Variants in BICD1 observed in about 807,000 individuals in gnomAD.
BICD1 encodes the protein protein bicaudal D homolog 1.
A neutral mutation model predicts 92.5 loss-of-function variants in BICD1; 35 were observed. That is an observed-to-expected ratio of 0.38 (90% CI 0.29 to 0.50). BICD1 has a LOEUF of 0.50. BICD1 is among the 20% of genes least tolerant of loss of function. The probability of loss-of-function intolerance (pLI) is 0.93; values close to 1 mark genes in which losing one functional copy is unlikely to be tolerated. For missense variants in BICD1, 950 were observed against 1,189.8 expected, an observed-to-expected ratio of 0.80 and a Z score of 2.97; for synonymous variants, 429 against 465.1, an observed-to-expected ratio of 0.92 and a Z score of 1.00.
Position 32,190,002 on chromosome 12 carries a change from G to A in BICD1, c.214-26245G>A, listed in dbSNP as rs376188304. Among the ~76,000 whole-genome samples the A allele has an allele frequency of 3.2e-4, 48 of 152,194 alleles. No individual in the cohort carries two copies. In the East Asian group the frequency reaches 8.7e-3, roughly 28 times the overall value. ...GCGTGAGCCACCGCACCTGGCAAGT[G>A]TAGAATTTTTGTATGCAATTGAAGT... On this transcript the variant is annotated intron_variant, in intron 1 of 9. Transcript: ENST00000652176.
chr12:32,126,316 T>C (rs1942336120), intron 1 of BICD1, among the ~76,000 whole-genome samples: 1 of 152,112 alleles, frequency 6.6e-6, no homozygotes, highest in Non-Finnish European at 1.5e-5. Context: ...GTTTGCAGAC[T>C]GTTCACACCG....
In BICD1 at chr12:32,107,504, A is replaced by G. The variant is rs1327785580; in HGVS notation, c.173A>G (p.Glu58Gly). Reference sequence around the variant, plus strand: ...CAGCAGTATGATGAACTGGAGGCTGAGTACGACAGCCTCAAACAGGAGCTG... The same window carrying G: ...CAGCAGTATGATGAACTGGAGGCTGGGTACGACAGCCTCAAACAGGAGCTG... ...LKQQYDELEA[E>G]YDSLKQELEQ... The change falls in exon 1 of 10, where the codon GAG becomes GGG. Residue 58 changes from glutamate (E) to glycine (G), a missense_variant. This residue lies in a region of BICD1 where 202 missense variants were observed against 205.3 expected (regional missense o/e 0.98). Coordinates refer to ENST00000652176, the MANE Select transcript of BICD1 (RefSeq NM_001714.4). 1 of 1,605,312 alleles carries G rather than the reference A, an allele frequency of 6.2e-7. No individual in the cohort carries two copies. The highest frequency in any genetic ancestry group is 8.5e-7 in the Non-Finnish European group (1 of 1,176,304).
chr12:32,281,090 T>C (rs976551399), intron 2 of BICD1, among the ~76,000 whole-genome samples: 2 of 152,164 alleles, frequency 1.3e-5, no homozygotes, highest in Admixed American at 6.5e-5. Context: ...ACAGAAACAC[T>C]CCGTAGAACT....
intron 8 of BICD1, among the ~76,000 whole-genome samples, chr12:32,361,776 G>A (rs927048241): frequency 3.3e-5 from 5 of 152,142 alleles, no homozygotes; most frequent in African/African-American, 1.2e-4. Flanking sequence ...GTGGAGTCAA[G>A]CGATGCTACA....
chr12:32,198,903 C>G (rs779088105), intron 1 of BICD1, among the ~76,000 whole-genome samples: 53 of 152,094 alleles, frequency 3.5e-4, no homozygotes, highest in Admixed American at 2.4e-3. Context: ...CATTTTTTCC[C>G]TTGACATCCC....
intron 1 of BICD1, among the ~76,000 whole-genome samples, chr12:32,215,953 CAAAAAAAAAAAA>C (rs56005523): frequency 2.9e-5 from 2 of 67,904 alleles, no homozygotes; most frequent in East Asian, 5.4e-4. Flanking sequence ...GACTCCGTCT[CAAAAAAAAAAAA>C]AAAAAAAAAA....
At chr12:32,172,592 G>A (rs1056256974) in intron 1 of BICD1, among the ~76,000 whole-genome samples, 1 of 152,144 alleles carries the variant, frequency 6.6e-6, no homozygotes, top group Non-Finnish European at 1.5e-5. Flanking sequence ...GGAGTGGAAA[G>A]CTCCCAAGAC....
intron 1 of BICD1, among the ~76,000 whole-genome samples, chr12:32,198,174 C>T (rs1944779861): frequency 6.6e-6 from 1 of 151,392 alleles, no homozygotes. Flanking sequence ...CATTGTACTC[C>T]AGCCTGGGCA....
At chr12:32,345,564 A>T (rs746187466) in intron 8 of BICD1, among the ~76,000 whole-genome samples, 16 of 152,278 alleles carry the variant, frequency 1.1e-4, no homozygotes, top group Non-Finnish European at 1.9e-4. Flanking sequence ...TGGCACAACC[A>T]CAGACATTAT....
At chr12:32,317,284 T>A (rs1482994830) in intron 4 of BICD1, among the ~76,000 whole-genome samples, 1 of 152,252 alleles carries the variant, frequency 6.6e-6, no homozygotes, top group East Asian at 1.9e-4. Context: ...ATCGTCACAC[T>A]GACTTCCACA....
At chr12:32,304,859 TAAAAATA>T (rs1471731464) in intron 3 of BICD1, among the ~76,000 whole-genome samples, 1 of 146,940 alleles carries the variant, frequency 6.8e-6, no homozygotes, top group African/African-American at 2.6e-5. Context: ...CTACAAGAAA[TAAAAATA>T]AAAAATAAAA....
intron 1 of BICD1, among the ~76,000 whole-genome samples, chr12:32,202,478 C>T (rs1250321200): frequency 6.6e-6 from 1 of 152,036 alleles, no homozygotes; most frequent in African/African-American, 2.4e-5. Context: ...TTATATATTC[C>T]TGACTAAGCT....
intron 2 of BICD1, among the ~76,000 whole-genome samples, chr12:32,249,632 G>A (rs1946476686): frequency 6.6e-6 from 1 of 151,616 alleles, no homozygotes; most frequent in South Asian, 2.1e-4. Context: ...GTGTCTTCCT[G>A]GAGATCACTA....
intron 1 of BICD1, among the ~76,000 whole-genome samples, chr12:32,133,862 A>G (rs1268750031): frequency 6.6e-6 from 1 of 150,604 alleles, no homozygotes; most frequent in African/African-American, 2.4e-5. Context: ...GATCACTGCA[A>G]CCTCCGCCTC....
intron 9 of BICD1, among the ~76,000 whole-genome samples, chr12:32,375,208 C>A (rs7134627): frequency 0.54 from 81,313 of 150,898 alleles, 22,492 homozygotes; most frequent in African/African-American, 0.67. Flanking sequence ...TACAGGCGTG[C>A]GCCACCGCGC....
At position 32,181,739 on chromosome 12, in the gene BICD1, T is replaced by C. The variant is rs140601144; in HGVS notation, c.214-34508T>C. ...CATAATTAGATTTTCTGAGCAACTG[T>C]TGCTTATAATTGGAATTTGCTTATT... On this transcript the variant is annotated intron_variant, in intron 1 of 9. Coordinates refer to ENST00000652176, the MANE Select transcript of BICD1 (RefSeq NM_001714.4). Among the ~76,000 whole-genome samples the C allele has an allele frequency of 8.9e-4, 135 of 152,116 alleles. 2 individuals are homozygous for C. Among genetic ancestry groups the C allele is most frequent in the African/African-American group, 3.2e-3 (131 of 41,568 alleles).
rs1269090621 is a variant in BICD1 at position 32,116,506 on chromosome 12, C to CTATATATA, written c.213+8963_213+8964insATATATAT. ...TCTCTCTCTCTTTCTCTCTCTCTCT[C>CTATATATA]TCTCTATATATATATATATATATGT... On this transcript the variant is annotated intron_variant, in intron 1 of 9. Transcript: ENST00000652176. Among the ~76,000 whole-genome samples the CTATATATA allele has an allele frequency of 3.9e-3, 338 of 86,756 alleles. 1 individual carries two copies. Among genetic ancestry groups the CTATATATA allele is most frequent in the East Asian group, 0.019 (54 of 2,824 alleles). The allele number at this position is 86,756 out of a possible 152,430, so 56.9% of individuals were successfully genotyped here. A position where few individuals can be genotyped will look rare whatever the true frequency, so the allele number is the denominator to read the frequency against.
In BICD1 at chr12:32,347,744, C is replaced by T. The variant is rs572823162; in HGVS notation, c.2764+8765C>T. Among the ~76,000 whole-genome samples the T allele has an allele frequency of 7.6e-4, 115 of 151,966 alleles. 2 individuals carry two copies. In the South Asian group the frequency reaches 0.023, roughly 30 times the overall value. On this transcript the variant is annotated intron_variant, in intron 8 of 9. Transcript: ENST00000652176. Reference sequence around the variant, plus strand: ...TAAAAACTTAATTACTTAGGTATATCCTAACAAAACATATTCCTTAAACAT... The same window carrying T: ...TAAAAACTTAATTACTTAGGTATATTCTAACAAAACATATTCCTTAAACAT...
chr12:32,175,477 C>T (rs932576303), intron 1 of BICD1, among the ~76,000 whole-genome samples: 1 of 152,070 alleles, frequency 6.6e-6, no homozygotes, highest in East Asian at 1.9e-4. Flanking sequence ...CCACCAAGCC[C>T]AGCTAATTTT....
Sources: gnomAD v4.1 joint callset for allele counts (sites outside exome capture counted in the v4.1 genomes callset) on GRCh38, gnomAD v4.1.1 for gene constraint, gnomAD v4.1.1 regional missense constraint, MANE v1.5 for transcripts, NCBI Gene and HGNC (gene_info 2026-07-23, HGNC 2026-07-21) for gene names.